RBFOX2: variants seen among roughly 807,000 people sequenced by gnomAD.
The protein encoded by RBFOX2 is RNA binding protein fox-1 homolog 2.
In RBFOX2, 10 loss-of-function variants were observed where a neutral mutation model predicts 49.1. The ratio of observed to expected loss-of-function variants is 0.20; its 90% CI spans 0.13 to 0.35. The LOEUF is 0.35. Ranked by LOEUF, RBFOX2 falls within the 10% of genes least tolerant of loss-of-function variation. The pLI, the probability that RBFOX2 is intolerant of heterozygous loss-of-function variation, is 1.00. For missense variants in RBFOX2, 323 were observed against 486.9 expected (o/e 0.66, Z 3.17); for synonymous variants, 183 against 187.4 (o/e 0.98, Z 0.19).
At chr22:35,871,312 G>A (rs1377287560) in intron 1 of RBFOX2, among the ~76,000 whole-genome samples, 1 of 152,128 alleles carries the variant, frequency 6.6e-6, no homozygotes, top group African/African-American at 2.4e-5. Context: ...GTGAGAGAAG[G>A]GAATAGAGGA....
chr22:36,009,840 A>G (rs372840636), intron 1 of RBFOX2, among the ~76,000 whole-genome samples: 143 of 152,354 alleles, frequency 9.4e-4, no homozygotes, highest in African/African-American at 3.3e-3. Context: ...TATTAAAATT[A>G]TCTATGTACA....
chr22:35,761,147 T>G, intron 8 of RBFOX2, 55 bp downstream of exon 9: 1 of 1,469,952 alleles, frequency 6.8e-7, no homozygotes, highest in Non-Finnish European at 9.5e-7. Context: ...AAACAGTACA[T>G]GATAGTTCAC....
intron 1 of RBFOX2, among the ~76,000 whole-genome samples, chr22:35,846,332 G>T (rs1603400990): frequency 1.6e-4 from 1 of 6,280 alleles, no homozygotes; most frequent in Non-Finnish European, 6.2e-4. Flanking sequence ...TTATATAGTT[G>T]TGTGTGTGTG....
rs111930925 is a variant in RBFOX2, at chr22:35,796,266, T to A, written c.252+13514A>T. Among the ~76,000 whole-genome samples, 277 of 152,320 alleles carry A rather than the reference T, an allele frequency of 1.8e-3. 2 individuals are homozygous for A. The highest frequency in any genetic ancestry group is 6.5e-3 in the African/African-American group (271 of 41,574). On this transcript the variant is annotated intron_variant, in intron 2 of 11. Coordinates refer to ENST00000405409, the Ensembl canonical transcript of RBFOX2. ...GTAATATCCATTGTTATTTATGGCA[T>A]TAGAAATTGAAGCTGATAAATTTTT... is the stretch of plus-strand genomic sequence containing the variant.
rs140150890 is a variant in RBFOX2 at position 35,772,041 on chromosome 22, T to G, written c.454-3692A>C. Among the ~76,000 whole-genome samples, 540 of 152,120 alleles carry G rather than the reference T, an allele frequency of 3.5e-3. 4 individuals are homozygous for G. Among genetic ancestry groups the G allele is most frequent in the African/African-American group, 0.012 (503 of 41,500 alleles). On this transcript the variant is annotated intron_variant, in intron 4 of 11. Coordinates refer to ENST00000405409, the Ensembl canonical transcript of RBFOX2. ...AGCTTCCAAATGATCATACAACCTA[T>G]CAAACACTGAACCAGTCTACACCGG...
chr22:35,923,836 C>A (rs1251720047), intron 1 of RBFOX2, among the ~76,000 whole-genome samples: 2 of 151,410 alleles, frequency 1.3e-5, no homozygotes, highest in Non-Finnish European at 2.9e-5. Context: ...ACTATAGATA[C>A]ATAACACATA....
At chr22:35,973,422 T>G (rs2056985515) in intron 1 of RBFOX2, among the ~76,000 whole-genome samples, 1 of 152,198 alleles carries the variant, frequency 6.6e-6, no homozygotes, top group Non-Finnish European at 1.5e-5. Context: ...GCCACACTGG[T>G]GACAACCAGA....
chr22:35,992,198 C>T (rs1406697808), intron 1 of RBFOX2: 1 of 152,122 alleles, frequency 6.6e-6, no homozygotes, highest in African/African-American at 2.4e-5. Flanking sequence ...ATATACAACT[C>T]AAAGTATCAT....
At chr22:35,898,000 TC>T in intron 1 of RBFOX2, 1 of 735,056 alleles carries the variant, frequency 1.4e-6, no homozygotes, top group South Asian at 1.5e-5. Flanking sequence ...GTTTTTGGTT[TC>T]CCAGTCTCGT....
chr22:35,978,408 G>A lies in RBFOX2; in HGVS notation c.187-39511C>T, dbSNP rs571612777. Among the ~76,000 whole-genome samples, 6 of 152,208 alleles carry A rather than the reference G, an allele frequency of 3.9e-5. No individual in the cohort carries two copies. The South Asian group carries it at 8.3e-4, about 21-fold the overall frequency. ...TATGTACACATACACACAATTTCTA[G>A]CTGTTTGCTGAGACAGCCTAGAGGC... On this transcript the variant is annotated intron_variant, in intron 1 of 13. Coordinates refer to the RBFOX2 transcript ENST00000438146.
At chr22:35,817,949 A>AACACACACAC (rs71322983) in intron 1 of RBFOX2, among the ~76,000 whole-genome samples, 47 of 143,568 alleles carry the variant, frequency 3.3e-4, no homozygotes, top group African/African-American at 1.1e-3. Context: ...ATCACTTGTC[A>AACACACACAC]ACACACACAC....
exon 1 of RBFOX2, chr22:35,840,227 C>T (rs1461109108): frequency 5.6e-6 from 9 of 1,614,018 alleles, no homozygotes; most frequent in South Asian, 2.2e-5. Context: ...ATAAACCAAA[C>T]GGATAGATGA....
intron 1 of RBFOX2, among the ~76,000 whole-genome samples, chr22:35,947,556 C>T (rs974491658): frequency 1.3e-5 from 2 of 151,028 alleles, no homozygotes; most frequent in African/African-American, 4.9e-5. Flanking sequence ...GCCATTACCA[C>T]CTTCCAGTGG....
chr22:35,771,742 G>A (rs1311550182), intron 4 of RBFOX2, among the ~76,000 whole-genome samples: 2 of 152,068 alleles, frequency 1.3e-5, no homozygotes, highest in African/African-American at 4.8e-5. Flanking sequence ...TTTAGTTTCA[G>A]TAACATGAAC....
intron 1 of RBFOX2, among the ~76,000 whole-genome samples, chr22:35,975,377 A>AT (rs985941076): frequency 3.3e-5 from 5 of 152,238 alleles, no homozygotes; most frequent in African/African-American, 1.2e-4. Context: ...TAAGCATATC[A>AT]TTTAATTTTT....
intron 2 of RBFOX2, among the ~76,000 whole-genome samples, chr22:35,799,694 T>C (rs954647474): frequency 6.6e-5 from 10 of 152,058 alleles, no homozygotes; most frequent in Admixed American, 6.6e-4. Context: ...ACTTCTGTAA[T>C]CCCAGCACTC....
At chr22:35,828,682 G>C (rs910257316) in intron 1 of RBFOX2, among the ~76,000 whole-genome samples, 2 of 152,178 alleles carry the variant, frequency 1.3e-5, no homozygotes, top group African/African-American at 4.8e-5. Context: ...GTTTTAAAAA[G>C]AGTCTTGCCT....
chr22:36,013,319 G>A (rs1367665537), intron 1 of RBFOX2, among the ~76,000 whole-genome samples: 1 of 152,030 alleles, frequency 6.6e-6, no homozygotes, highest in Non-Finnish European at 1.5e-5. Flanking sequence ...AAAAGCACTT[G>A]GGGACAAGAA....
At chr22:36,022,725 G>A (rs1287772949) in intron 1 of RBFOX2, among the ~76,000 whole-genome samples, 1 of 152,120 alleles carries the variant, frequency 6.6e-6, no homozygotes, top group Non-Finnish European at 1.5e-5. Context: ...CTTCAGATTG[G>A]GTCATGAGGG....
Sources: allele counts gnomAD v4.1 joint callset (sites outside exome capture counted in the v4.1 genomes callset), GRCh38; gene constraint gnomAD v4.1.1; transcripts MANE v1.5; gene names NCBI Gene and HGNC (gene_info 2026-07-23, HGNC 2026-07-21).